RAPGEF2: variants seen among roughly 807,000 people sequenced by gnomAD.
RAPGEF2 encodes PDZ domain containing guanine nucleotide exchange factor (GEF) 1.
Under a neutral mutation model 186.7 loss-of-function variants are expected in RAPGEF2, and 54 were observed. The observed-to-expected ratio is 0.29, with a 90% confidence interval of 0.23 to 0.36. RAPGEF2 has a LOEUF of 0.36. RAPGEF2 is among the 10% of genes least tolerant of loss of function. The pLI is 1.00. For synonymous variants in RAPGEF2, 712 were observed against 705.9 expected (o/e 1.01, Z -0.14); for missense variants, 1,532 against 2,045.0 (o/e 0.75, Z 4.84).
chr4:159,164,056 G>C (rs1222340897), intron 1 of RAPGEF2, among the ~76,000 whole-genome samples: 2 of 151,812 alleles, frequency 1.3e-5, no homozygotes, highest in East Asian at 1.9e-4. Flanking sequence ...CCAGGCTGGA[G>C]TGCAGTGGCG....
chr4:159,158,999 A>G (rs939862065), intron 1 of RAPGEF2, among the ~76,000 whole-genome samples: 2 of 152,252 alleles, frequency 1.3e-5, no homozygotes, highest in Non-Finnish European at 2.9e-5. Context: ...CGGCAACACT[A>G]TAAAGTGTAG....
At chr4:159,175,080 G>T (rs1158690017) in intron 1 of RAPGEF2, among the ~76,000 whole-genome samples, 1 of 152,068 alleles carries the variant, frequency 6.6e-6, no homozygotes, top group East Asian at 1.9e-4. Flanking sequence ...GTCTTATAAT[G>T]TTTAGGAATC....
intron 16 of RAPGEF2, 136 bp downstream of exon 16, chr4:159,332,170 T>A: frequency 1.5e-6 from 1 of 673,864 alleles, no homozygotes; most frequent in Non-Finnish European, 2.5e-6. Context: ...ATAAAAAATA[T>A]TTTTAATCTG....
At chr4:159,146,361 CTTTTTTTT>C (rs75242947) in intron 1 of RAPGEF2, among the ~76,000 whole-genome samples, 1 of 137,868 alleles carries the variant, frequency 7.3e-6, no homozygotes, top group Non-Finnish European at 1.6e-5. Context: ...AAGCTTTTTT[CTTTTTTTT>C]TTTTTCTTTT....
intron 9 of RAPGEF2, among the ~76,000 whole-genome samples, chr4:159,321,340 A>G (rs72967756): frequency 0.088 from 13,321 of 151,914 alleles, 1,956 homozygotes; most frequent in African/African-American, 0.3. Flanking sequence ...CTGAGTAGCT[A>G]GGACTATAGG....
At chr4:159,286,511 A>G (rs922980663) in intron 7 of RAPGEF2, among the ~76,000 whole-genome samples, 5 of 152,206 alleles carry the variant, frequency 3.3e-5, no homozygotes, top group African/African-American at 4.8e-5. Context: ...CTGTGATTTT[A>G]AAACTCCTCA....
intron 4 of RAPGEF2, among the ~76,000 whole-genome samples, chr4:159,219,347 C>CTTTTTTTTTTT (rs70962664): frequency 4.9e-5 from 4 of 81,446 alleles, no homozygotes; most frequent in African/African-American, 2.3e-4. Flanking sequence ...CAACTGTATC[C>CTTTTTTTTTTT]TTTTTTTTTT....
At chr4:159,210,900 C>T (rs1047564637) in intron 4 of RAPGEF2, among the ~76,000 whole-genome samples, 2 of 151,990 alleles carry the variant, frequency 1.3e-5, no homozygotes, top group African/African-American at 2.4e-5. Context: ...TAAAGGGGGA[C>T]GAACTTAAAG....
At chr4:159,269,496 A>G (rs765090365) in intron 7 of RAPGEF2, among the ~76,000 whole-genome samples, 3 of 152,314 alleles carry the variant, frequency 2.0e-5, no homozygotes, top group East Asian at 1.9e-4. Flanking sequence ...GTTCCATTGT[A>G]GTTTGATTTT....
intron 4 of RAPGEF2, among the ~76,000 whole-genome samples, chr4:159,216,754 G>A (rs111338891): frequency 5.1e-4 from 77 of 152,250 alleles, no homozygotes; most frequent in African/African-American, 1.8e-3. Context: ...TCATGTATTT[G>A]CACCACGTTG....
intron 1 of RAPGEF2, among the ~76,000 whole-genome samples, chr4:159,163,669 A>G (rs1343720031): frequency 6.6e-6 from 1 of 152,254 alleles, no homozygotes; most frequent in Non-Finnish European, 1.5e-5. Context: ...TTTGGTAAGC[A>G]TAAAAATCAC....
chr4:159,155,640 A>G (rs1302233809), intron 1 of RAPGEF2, among the ~76,000 whole-genome samples: 2 of 152,322 alleles, frequency 1.3e-5, no homozygotes, highest in Non-Finnish European at 2.9e-5. Context: ...TTTGAGCAGT[A>G]TTACAGAAGA....
At chr4:159,258,778 C>A (rs140349227) in intron 7 of RAPGEF2, among the ~76,000 whole-genome samples, 16 of 152,196 alleles carry the variant, frequency 1.1e-4, no homozygotes, top group African/African-American at 3.6e-4. Context: ...ATGTTGATAT[C>A]TTTGGATCAA....
chr4:159,280,986 C>CTTCTTTT (rs1554025029), intron 7 of RAPGEF2, among the ~76,000 whole-genome samples: 1 of 142,382 alleles, frequency 7.0e-6, no homozygotes, highest in Non-Finnish European at 1.5e-5. Flanking sequence ...TTAACTACTT[C>CTTCTTTT]TTTTTTTTTT....
chr4:159,336,912 A>G (rs1357222987), intron 17 of RAPGEF2, among the ~76,000 whole-genome samples: 1 of 152,176 alleles, frequency 6.6e-6, no homozygotes, highest in Non-Finnish European at 1.5e-5. Flanking sequence ...TCTTATTTCA[A>G]GGTGTGTATA....
chr4:159,248,058 G>A (rs1170400025), intron 7 of RAPGEF2, among the ~76,000 whole-genome samples: 1 of 151,998 alleles, frequency 6.6e-6, no homozygotes, highest in South Asian at 2.1e-4. Flanking sequence ...CACTGCGCCC[G>A]GCCGAAATAA....
intron 1 of RAPGEF2, among the ~76,000 whole-genome samples, chr4:159,177,564 T>G (rs1010418953): frequency 6.6e-6 from 1 of 152,208 alleles, no homozygotes; most frequent in African/African-American, 2.4e-5. Flanking sequence ...ACTCCAAAGC[T>G]TGTATTCCTT....
intron 7 of RAPGEF2, among the ~76,000 whole-genome samples, chr4:159,295,278 A>G (rs759865360): frequency 3.3e-5 from 5 of 152,234 alleles, no homozygotes; most frequent in Admixed American, 6.5e-5. Flanking sequence ...TGAATGACCT[A>G]GAGAATTTTT....
At chr4:159,327,024 C>T (rs1766019409) in intron 11 of RAPGEF2, 1 of 152,172 alleles carries the variant, frequency 6.6e-6, no homozygotes. Context: ...TTAGACTCAC[C>T]TCTTCCTGGA....
Sources: gnomAD v4.1 joint callset for allele counts (sites outside exome capture counted in the v4.1 genomes callset) on GRCh38, gnomAD v4.1.1 for gene constraint, MANE v1.5 for transcripts, NCBI Gene and HGNC (gene_info 2026-07-23, HGNC 2026-07-21) for gene names.